The following DNASE1 variants were observed in gnomAD, a reference collection of about 807,000 sequenced individuals.
The protein encoded by DNASE1 is deoxyribonuclease-1.
DNASE1 carries 40 observed loss-of-function variants against 33.9 expected under a neutral mutation model. The ratio of observed to expected loss-of-function variants is 1.18; its 90% confidence interval spans 0.92 to 1.54. DNASE1 has a LOEUF of 1.54. Ranked by LOEUF, DNASE1 falls within the 40% of genes most tolerant of loss-of-function variation. The probability of loss-of-function intolerance (pLI) is 0.00; values close to 1 mark genes in which losing one functional copy is unlikely to be tolerated. For synonymous variants in DNASE1, 216 were observed against 160.0 expected (o/e 1.35, Z -2.64); for missense variants, 518 against 372.6 (o/e 1.39, Z -3.21).
chr16:3,662,636 G>A (rs1476612953), downstream of DNASE1: 2 of 671,710 alleles, frequency 3.0e-6, no homozygotes, highest in Non-Finnish European at 5.5e-6. Flanking sequence ...TCAGGATGCT[G>A]GTTTTTCAGT....
intron 1 of DNASE1, among the ~76,000 whole-genome samples, chr16:3,619,917 CTTT>C (rs1180233396): frequency 6.6e-5 from 9 of 136,790 alleles, no homozygotes; most frequent in Admixed American, 1.5e-4. Flanking sequence ...TATGGCTTTT[CTTT>C]TTTTTTTTTT....
At chr16:3,613,294 A>G (rs1260069598) in intron 1 of DNASE1, among the ~76,000 whole-genome samples, 1 of 152,198 alleles carries the variant, frequency 6.6e-6, no homozygotes, top group East Asian at 1.9e-4. Context: ...CATGTAGATG[A>G]ATCAGTACTG....
In DNASE1 at chr16:3,655,956, G is replaced by A. The variant is rs1357486142; in HGVS notation, c.236+19G>A. 1 of 1,613,584 alleles carries A rather than the reference G, an allele frequency of 6.2e-7. No individual in the cohort carries two copies. Among genetic ancestry groups the A allele is most frequent in the African/African-American group, 1.3e-5 (1 of 75,026 alleles). Reference sequence around the variant, plus strand: ...TCAATCAGTGGGTGACAGTGGCAGGGTCATAGGAAGGTGACATCTCGTCCA... The same window carrying A: ...TCAATCAGTGGGTGACAGTGGCAGGATCATAGGAAGGTGACATCTCGTCCA... On this transcript the variant is annotated intron_variant, in intron 3 of 8. Transcript: ENST00000246949.
At chr16:3,635,773 A>G (rs561220689) in intron 1 of DNASE1, among the ~76,000 whole-genome samples, 20 of 152,026 alleles carry the variant, frequency 1.3e-4, no homozygotes, top group African/African-American at 4.6e-4. Context: ...ATAATTTCTC[A>G]AAGAAGTGTG....
At chr16:3,646,405 C>T (rs1409875736) in intron 1 of DNASE1, among the ~76,000 whole-genome samples, 1 of 152,032 alleles carries the variant, frequency 6.6e-6, no homozygotes, top group Non-Finnish European at 1.5e-5. Context: ...ATAAGCCGGC[C>T]ATAAACGAGG....
upstream of DNASE1, chr16:3,654,205 C>T (rs138402929): frequency 6.2e-4 from 247 of 396,956 alleles, no homozygotes; most frequent in Admixed American, 9.7e-4. Flanking sequence ...CCTGGTCACT[C>T]GGGATCCCCT....
intron 5 of DNASE1, 44 bp downstream of exon 5, chr16:3,656,797 T>C (rs773236689): frequency 3.5e-5 from 54 of 1,562,556 alleles, no homozygotes; most frequent in Non-Finnish European, 4.3e-5. Context: ...TTGGCGCTTA[T>C]GGCCTCCACC....
At chr16:3,619,970 C>T (rs1199354235) in intron 1 of DNASE1, among the ~76,000 whole-genome samples, 4 of 147,366 alleles carry the variant, frequency 2.7e-5, no homozygotes, top group Non-Finnish European at 5.9e-5. Context: ...GGCTGGAGTG[C>T]AGTGGCATAA....
chr16:3,640,935 C>G (rs368822655), upstream of DNASE1: 19 of 398,724 alleles, frequency 4.8e-5, no homozygotes, highest in South Asian at 1.0e-3. Context: ...ACTGTCCTGT[C>G]TCGATGGCTC....
chr16:3,655,443 A>C lies in DNASE1; in HGVS notation c.70A>C (p.Lys24Gln). ...AALLQGAVSL[K>Q]IAAFNIQTFG... ...CCTACTGCAGGGGGCCGTGTCCCTG[A>C]AGATCGCAGCCTTCAACATCCAGAC... The change falls in exon 2 of 9, where the codon AAG becomes CAG. Residue 24 changes from lysine (K) to glutamine (Q), a missense_variant. Coordinates refer to ENST00000246949, the MANE Select transcript of DNASE1 (RefSeq NM_005223.4). The C allele has an allele frequency of 1.2e-6, 2 of 1,614,096 alleles. No homozygotes were observed. Among genetic ancestry groups the C allele is most frequent in the Non-Finnish European group, 8.5e-7 (1 of 1,180,018 alleles).
chr16:3,631,695 G>C (rs2041706630), intron 1 of DNASE1, among the ~76,000 whole-genome samples: 1 of 151,324 alleles, frequency 6.6e-6, no homozygotes, highest in South Asian at 2.1e-4. Context: ...GCTAATTTTT[G>C]TGTTTTTAGT....
Position 3,655,177 on chromosome 16 carries a change from G to A in DNASE1, c.-2+133G>A, listed in dbSNP as rs2042514868. ...TCCCGGGCGGGTTTTCTGGTGGATG[G>A]AGGAGTGACTCGGGGTCCTCTACGT... On this transcript the variant is annotated intron_variant, in intron 1 of 8. Transcript: ENST00000246949. The A allele has an allele frequency of 3.3e-5, 23 of 705,730 alleles. 1 individual carries two copies. The highest frequency in any genetic ancestry group is 4.0e-4 in the Middle Eastern group (1 of 2,528). The allele number at this position is 705,730 out of a possible 1,614,324, so 43.7% of individuals were successfully genotyped here.
At position 3,657,301 on chromosome 16, in the gene DNASE1, G is replaced by A. The variant is rs764288457; in HGVS notation, c.664G>A (p.Ala222Thr). The A allele has an allele frequency of 9.9e-6, 16 of 1,613,666 alleles. No individual in the cohort carries two copies. Among genetic ancestry groups the A allele is most frequent in the African/African-American group, 5.3e-5 (4 of 74,928 alleles). ...PTFQWLIPDS[A>T]DTTATPTHCA... ...CTTCCAGTGGCTGATCCCCGACAGCGCTGACACCACAGCTACACCCACGCA... is the reference window on the plus strand; with the variant it reads ...CTTCCAGTGGCTGATCCCCGACAGCACTGACACCACAGCTACACCCACGCA... The change falls in exon 7 of 9, where the codon GCT becomes ACT. Residue 222 changes from alanine (A) to threonine (T), a missense_variant. Ala to Thr is a moderately conservative substitution (Grantham distance 58, BLOSUM62 0). Transcript: ENST00000246949.
At chr16:3,639,555 G>A (rs1321415831), upstream of DNASE1, among the ~76,000 whole-genome samples, 7 of 152,122 alleles carry the variant, frequency 4.6e-5, no homozygotes, top group Non-Finnish European at 1.5e-5. Flanking sequence ...CCTCTCCTAG[G>A]TCTGAATCCT....
At chr16:3,662,956 G>T, downstream of DNASE1, 1 of 1,610,256 alleles carries the variant, frequency 6.2e-7, no homozygotes. Flanking sequence ...TTCTCTGATA[G>T]GCACTCGGCG....
chr16:3,655,810 C>A, intron 2 of DNASE1, 39 bp from the exon 3 acceptor site: 3 of 1,609,618 alleles, frequency 1.9e-6, no homozygotes, highest in Non-Finnish European at 2.5e-6. Flanking sequence ...CCCTGGGTGG[C>A]ACCAGCCCTG....
At chr16:3,660,564 G>A (rs2043014761), downstream of DNASE1, 1 of 152,188 alleles carries the variant, frequency 6.6e-6, no homozygotes, top group South Asian at 2.1e-4. Flanking sequence ...GTGACCTGGT[G>A]TCCGCCTCAC....
chr16:3,634,162 G>C (rs577533663), intron 1 of DNASE1, among the ~76,000 whole-genome samples: 1 of 152,104 alleles, frequency 6.6e-6, no homozygotes, highest in South Asian at 2.1e-4. Flanking sequence ...GATGATTATT[G>C]ACCCAATCAT....
rs2042494011 is a variant in DNASE1, at chr16:3,654,863, C to T, written c.-183C>T. ...AACTTTTAAAACTCCCAGACACGCA[C>T]TGCCTGTGCAGGATCCGGAGCCCAG... On this transcript the variant is annotated 5_prime_UTR_variant, in exon 1 of 9. Coordinates refer to ENST00000246949, the MANE Select transcript of DNASE1 (RefSeq NM_005223.4). The T allele has an allele frequency of 2.4e-6, 1 of 413,822 alleles. No individual in the cohort carries two copies. The allele number at this position is 413,822 out of a possible 1,614,324, so 25.6% of individuals were successfully genotyped here. A position where few individuals can be genotyped will look rare whatever the true frequency, so the allele number is the denominator to read the frequency against.
Sources: gnomAD v4.1 joint callset for allele counts (sites outside exome capture counted in the v4.1 genomes callset) on GRCh38, gnomAD v4.1.1 for gene constraint, MANE v1.5 for transcripts, NCBI Gene and HGNC (gene_info 2026-07-23, HGNC 2026-07-21) for gene names.